Variants in NUMB observed in about 807,000 individuals in gnomAD.
NUMB encodes the protein NUMB endocytic adaptor protein, also known as protein numb homolog.
A neutral mutation model predicts 59.7 loss-of-function variants in NUMB; 29 were observed. The observed-to-expected ratio is 0.49, with a 90% CI of 0.36 to 0.66. The LOEUF (loss-of-function observed/expected upper bound fraction) is 0.66, where lower values mean the gene tolerates loss of function less well. Among genes scored for constraint, NUMB ranks in the 30% least tolerant of loss-of-function variants. NUMB has a pLI of 0.00. For missense variants in NUMB, 723 were observed against 822.0 expected (o/e 0.88, Z 1.47); for synonymous variants, 288 against 288.2 (o/e 1.00, Z 0.01).
At chr14:73,430,487 A>G (rs2140167536) in intron 1 of NUMB, among the ~76,000 whole-genome samples, 1 of 152,092 alleles carries the variant, frequency 6.6e-6, no homozygotes, top group Non-Finnish European at 1.5e-5. Context: ...TTTTTTAATT[A>G]GCCGGGTGTG....
chr14:73,390,458 T>C (rs1365473500), intron 2 of NUMB, among the ~76,000 whole-genome samples: 1 of 152,084 alleles, frequency 6.6e-6, no homozygotes, highest in Non-Finnish European at 1.5e-5. Flanking sequence ...GAATTTTTCA[T>C]GTTATCTGTT....
At chr14:73,277,331 G>A (rs750442147) in intron 12 of NUMB, 38 bp from the exon 13 acceptor site, 1 of 1,464,480 alleles carries the variant, frequency 6.8e-7, no homozygotes, top group Non-Finnish European at 9.3e-7. Context: ...GAATCAGTTA[G>A]GGGCATCTTT....
intron 3 of NUMB, among the ~76,000 whole-genome samples, chr14:73,365,070 C>T (rs1566762742): frequency 1.3e-5 from 2 of 152,006 alleles, no homozygotes; most frequent in South Asian, 2.1e-4. Context: ...AAGACAATCT[C>T]GCTGTGTCAC....
intron 1 of NUMB, among the ~76,000 whole-genome samples, chr14:73,416,198 T>C (rs1202184062): frequency 6.6e-6 from 1 of 152,224 alleles, no homozygotes; most frequent in African/African-American, 2.4e-5. Flanking sequence ...GAAGAGCAAC[T>C]TAAGCACAAC....
intron 4 of NUMB, among the ~76,000 whole-genome samples, chr14:73,332,233 T>A (rs1251346293): frequency 6.6e-6 from 1 of 152,032 alleles, no homozygotes; most frequent in Non-Finnish European, 1.5e-5. Context: ...ACCAAAGACT[T>A]TAGCTAATAA....
chr14:73,380,911 C>A (rs540816282), intron 2 of NUMB, among the ~76,000 whole-genome samples: 4 of 151,940 alleles, frequency 2.6e-5, no homozygotes, highest in Non-Finnish European at 5.9e-5. Context: ...TTAGTAGAGA[C>A]GTGGTTTCAC....
At chr14:73,307,893 C>T (rs894072193) in intron 6 of NUMB, among the ~76,000 whole-genome samples, 8 of 152,072 alleles carry the variant, frequency 5.3e-5, no homozygotes, top group African/African-American at 1.2e-4. Context: ...CCACCACGCC[C>T]GGCTAATTTT....
intron 3 of NUMB, among the ~76,000 whole-genome samples, chr14:73,365,147 C>T (rs1048985175): frequency 1.3e-5 from 2 of 152,132 alleles, no homozygotes; most frequent in African/African-American, 4.8e-5. Flanking sequence ...TCAAGCAATT[C>T]TCGTGCCTCA....
intron 2 of NUMB, among the ~76,000 whole-genome samples, chr14:73,389,240 C>T (rs1895706371): frequency 7.6e-6 from 1 of 131,798 alleles, no homozygotes; most frequent in African/African-American, 2.9e-5. Flanking sequence ...CACTGAACTC[C>T]AGCCTGGGTT....
At chr14:73,344,862 T>G (rs551951910) in intron 4 of NUMB, among the ~76,000 whole-genome samples, 174 of 152,376 alleles carry the variant, frequency 1.1e-3, no homozygotes, top group Middle Eastern at 3.4e-3. Flanking sequence ...TTAGCTAGGA[T>G]TCTACCAATT....
chr14:73,342,016 T>C (rs1892660318), intron 4 of NUMB, among the ~76,000 whole-genome samples: 1 of 152,184 alleles, frequency 6.6e-6, no homozygotes, highest in African/African-American at 2.4e-5. Flanking sequence ...GTTGAACTTC[T>C]CTCAAATACC....
chr14:73,451,677 T>G (rs1595055392), intron 1 of NUMB, among the ~76,000 whole-genome samples: 1 of 152,202 alleles, frequency 6.6e-6, no homozygotes, highest in Non-Finnish European at 1.5e-5. Context: ...GATGTACATA[T>G]GCACAAGTGA....
Position 73,289,128 on chromosome 14 carries a change from G to A in NUMB, c.451-1814C>T, listed in dbSNP as rs141543421. On this transcript the variant is annotated intron_variant, in intron 8 of 12. Transcript: ENST00000555238. ...CAACCCTCCTCATTTATGGCCCTCC[G>A]TGCTTTTAGGTTTTCCCCCATACCC... Among the ~76,000 whole-genome samples, 9 of 151,630 alleles carry A rather than the reference G, an allele frequency of 5.9e-5. No homozygotes were observed. The East Asian group carries it at 1.7e-3, about 29-fold the overall frequency.
At chr14:73,416,487 C>T (rs891656065) in intron 1 of NUMB, among the ~76,000 whole-genome samples, 5 of 152,180 alleles carry the variant, frequency 3.3e-5, no homozygotes, top group South Asian at 4.1e-4. Flanking sequence ...AAATTATGCC[C>T]ATCCTTTGAC....
At chr14:73,377,994 T>TACACACACACAC (rs61489875) in intron 2 of NUMB, among the ~76,000 whole-genome samples, 8 of 146,508 alleles carry the variant, frequency 5.5e-5, no homozygotes, top group Non-Finnish European at 1.2e-4. Flanking sequence ...TATATACACA[T>TACACACACACAC]ACACACACAC....
intron 6 of NUMB, among the ~76,000 whole-genome samples, chr14:73,309,718 T>TAATA (rs1890660559): frequency 1.5e-5 from 2 of 137,232 alleles, no homozygotes; most frequent in Non-Finnish European, 3.1e-5. Flanking sequence ...GAACTTAAGG[T>TAATA]ATAATAATAA....
intron 4 of NUMB, among the ~76,000 whole-genome samples, chr14:73,351,836 T>C (rs982071410): frequency 2.0e-5 from 3 of 151,346 alleles, no homozygotes; most frequent in African/African-American, 7.3e-5. Context: ...ATTAGCCAGG[T>C]GTGGTGGCAG....
intron 2 of NUMB, among the ~76,000 whole-genome samples, chr14:73,392,274 T>C (rs565776532): frequency 2.0e-5 from 3 of 152,336 alleles, no homozygotes; most frequent in East Asian, 1.9e-4. Context: ...TCAGGTTTGA[T>C]TGGATTAATT....
At chr14:73,408,026 G>C (rs530683228) in intron 2 of NUMB, among the ~76,000 whole-genome samples, 2 of 152,246 alleles carry the variant, frequency 1.3e-5, no homozygotes, top group South Asian at 4.1e-4. Context: ...AGGAGATTGA[G>C]ACCATCCTGA....
Sources: allele counts gnomAD v4.1 joint callset (sites outside exome capture counted in the v4.1 genomes callset), GRCh38; gene constraint gnomAD v4.1.1; transcripts MANE v1.5; gene names NCBI Gene and HGNC (gene_info 2026-07-23, HGNC 2026-07-21).